RMDN1: variants seen among roughly 807,000 people sequenced by gnomAD.
RMDN1 encodes regulator of microtubule dynamics 1.
RMDN1 carries 48 observed loss-of-function variants against 48.9 expected under a neutral mutation model. That is an observed-to-expected ratio of 0.98 (90% CI 0.78 to 1.25). The LOEUF is 1.25. Among genes scored for constraint, RMDN1 ranks in the 50% most tolerant of loss-of-function variants. RMDN1 has a pLI of 0.00. For missense variants in RMDN1, 418 were observed against 373.4 expected (o/e 1.12, Z -0.98); for synonymous variants, 148 against 132.6 (o/e 1.12, Z -0.80).
chr8:86,500,396 T>TA (rs1818011980), intron 2 of RMDN1, among the ~76,000 whole-genome samples: 2 of 151,520 alleles, frequency 1.3e-5, no homozygotes, highest in African/African-American at 4.9e-5. Flanking sequence ...AAAAAAGACA[T>TA]ACAAGCAGCA....
chr8:86,499,663 T>C (rs1045749760), intron 2 of RMDN1, among the ~76,000 whole-genome samples: 1 of 148,318 alleles, frequency 6.7e-6, no homozygotes. Flanking sequence ...ACTACCAATA[T>C]CATCTTTCAC....
upstream of RMDN1, among the ~76,000 whole-genome samples, chr8:86,511,275 C>A (rs554039699): frequency 6.6e-6 from 1 of 151,766 alleles, no homozygotes; most frequent in East Asian, 2.0e-4. Context: ...GAGATCAAGA[C>A]CATCCTGGCT....
chr8:86,511,104 C>G (rs972604259), upstream of RMDN1, among the ~76,000 whole-genome samples: 1 of 151,820 alleles, frequency 6.6e-6, no homozygotes, highest in Non-Finnish European at 1.5e-5. Flanking sequence ...TCCAAGGTTG[C>G]AGGGAGCGGT....
chr8:86,485,855 G>A (rs1815376746), intron 4 of RMDN1, among the ~76,000 whole-genome samples: 1 of 152,204 alleles, frequency 6.6e-6, no homozygotes, highest in Admixed American at 6.5e-5. Context: ...TCAGGTAACA[G>A]CAGAGTAGAG....
Position 86,472,604 on chromosome 8 carries a change from T to C in RMDN1, c.*1704A>G. 1 of 645,702 alleles carries C rather than the reference T, an allele frequency of 1.5e-6. No homozygotes were observed. The highest frequency in any genetic ancestry group is 2.8e-6 in the Non-Finnish European group (1 of 361,834). The allele number at this position is 645,702 out of a possible 1,614,324, so 40.0% of individuals were successfully genotyped here. On this transcript the variant is annotated 3_prime_UTR_variant, in exon 10 of 10. Transcript: ENST00000406452. ...ATACAGGTTTCTGGTGATGCTACTG[T>C]TGCCTAGCTACCCTGACCACATTAT...
At chr8:86,481,688 GC>G (rs1814486656) in intron 5 of RMDN1, 2 of 432,222 alleles carry the variant, frequency 4.6e-6, no homozygotes, top group Non-Finnish European at 8.3e-6. Flanking sequence ...TTGGATTCTT[GC>G]TGGCCCCACC....
chr8:86,473,374 T>G lies in RMDN1; in HGVS notation c.*934A>C, dbSNP rs1812846776. The G allele has an allele frequency of 2.0e-6, 2 of 985,418 alleles. No homozygotes were observed. The highest frequency in any genetic ancestry group is 3.5e-5 in the African/African-American group (2 of 57,362). 61.0% of individuals were successfully genotyped at this position (985,418 alleles called of 1,614,324 possible). On this transcript the variant is annotated 3_prime_UTR_variant, in exon 10 of 10. Coordinates refer to ENST00000406452, the MANE Select transcript of RMDN1 (RefSeq NM_016033.3). ...TGCCTATTTAAAAACATCTTAGTAT[T>G]CCATTTCACTCTTAAGTTTTGTGTT...
chr8:86,502,425 G>C (rs1315569171), intron 2 of RMDN1, among the ~76,000 whole-genome samples: 1 of 149,550 alleles, frequency 6.7e-6, no homozygotes, highest in Non-Finnish European at 1.5e-5. Flanking sequence ...TAGAGATGGG[G>C]GTCTCACTTT....
At chr8:86,488,503 CA>C (rs753810849) in intron 3 of RMDN1, 48 bp downstream of exon 3, 2 of 1,204,300 alleles carry the variant, frequency 1.7e-6, no homozygotes, top group South Asian at 3.3e-5. Context: ...TGTTAAATAA[CA>C]AAAATTTTGA....
chr8:86,469,110 T>TATC (rs1332643803), downstream of RMDN1, among the ~76,000 whole-genome samples: 1 of 151,716 alleles, frequency 6.6e-6, no homozygotes, highest in Non-Finnish European at 1.5e-5. Flanking sequence ...AACACAATTC[T>TATC]ATCTGTTAGA....
downstream of RMDN1, chr8:86,468,391 T>G (rs766706200): frequency 2.2e-6 from 1 of 452,618 alleles, no homozygotes; most frequent in Non-Finnish European, 4.4e-6. Context: ...CTTTTCCAAA[T>G]CCTTATTATG....
intron 2 of RMDN1, chr8:86,504,180 T>G (rs1818879684): frequency 6.7e-7 from 1 of 1,496,854 alleles, no homozygotes; most frequent in Non-Finnish European, 9.3e-7. Flanking sequence ...TCCTACAAAG[T>G]GCAGCCCTTC....
At chr8:86,492,651 TTAATAATAATAATAATAA>T (rs71574272) in intron 2 of RMDN1, among the ~76,000 whole-genome samples, 5 of 144,288 alleles carry the variant, frequency 3.5e-5, no homozygotes, top group Admixed American at 1.4e-4. Context: ...AGACTCCGCC[TTAATAATAATAATAATAA>T]TAATAATAAT....
At chr8:86,488,287 T>A (rs955329377) in intron 3 of RMDN1, among the ~76,000 whole-genome samples, 11 of 152,162 alleles carry the variant, frequency 7.2e-5, no homozygotes, top group African/African-American at 2.7e-4. Context: ...ATAACTATCT[T>A]GTATCATCTA....
chr8:86,486,644 C>A lies in RMDN1; in HGVS notation c.336-1G>T, dbSNP rs758287724. ...ACGCCACAGTAACTCTGCATCTTCA[C>A]TAATTTGAAATAAAATATAAAACAA... On this transcript the variant is annotated splice_acceptor_variant, in intron 3 of 9. Coordinates refer to ENST00000406452, the MANE Select transcript of RMDN1 (RefSeq NM_016033.3). LOFTEE classifies it high-confidence loss of function. 35 of 1,578,522 alleles carry A rather than the reference C, an allele frequency of 2.2e-5. No homozygotes were observed. The highest frequency in any genetic ancestry group is 2.9e-5 in the Non-Finnish European group (34 of 1,164,220).
chr8:86,482,804 A>G (rs1315539892), intron 5 of RMDN1: 9 of 979,862 alleles, frequency 9.2e-6, no homozygotes, highest in Non-Finnish European at 1.5e-5. Flanking sequence ...TCAGAACCCA[A>G]AATGGAGACG....
intron 1 of RMDN1, among the ~76,000 whole-genome samples, chr8:86,507,741 A>G (rs1322937283): frequency 6.6e-6 from 1 of 151,932 alleles, no homozygotes; most frequent in Non-Finnish European, 1.5e-5. Flanking sequence ...ATTATCTATA[A>G]CCTCCCCATT....
chr8:86,504,144 A>G (rs1167476780), intron 2 of RMDN1: 1 of 1,309,928 alleles, frequency 7.6e-7, no homozygotes, highest in Non-Finnish European at 1.1e-6. Flanking sequence ...GGCCGGTATT[A>G]TTGGGCTTTA....
At chr8:86,495,984 T>C (rs1266988771) in intron 2 of RMDN1, among the ~76,000 whole-genome samples, 1 of 152,100 alleles carries the variant, frequency 6.6e-6, no homozygotes, top group Non-Finnish European at 1.5e-5. Context: ...CAGAAGAGAC[T>C]AGGGGACTAT....
Sources: gnomAD v4.1 joint callset for allele counts (sites outside exome capture counted in the v4.1 genomes callset) on GRCh38, gnomAD v4.1.1 for gene constraint, MANE v1.5 for transcripts, NCBI Gene and HGNC (gene_info 2026-07-23, HGNC 2026-07-21) for gene names.